Variants in SCARF1 observed in about 807,000 individuals in gnomAD.
The protein encoded by SCARF1 is acetyl LDL receptor.
In SCARF1, 49 loss-of-function variants were observed where a neutral mutation model predicts 76.3. That is an observed-to-expected ratio of 0.64 (90% CI 0.51 to 0.81). The LOEUF (loss-of-function observed/expected upper bound fraction) is 0.81, where lower values mean the gene tolerates loss of function less well. Among genes scored for constraint, SCARF1 ranks in the 40% least tolerant of loss-of-function variants. The pLI is 0.00. For missense variants in SCARF1, 1,098 were observed against 1,143.9 expected (o/e 0.96, Z 0.58); for synonymous variants, 495 against 474.6 (o/e 1.04, Z -0.56).
chr17:1,643,169 T>TC (rs1910194349), intron 4 of SCARF1, among the ~76,000 whole-genome samples: 1 of 15,108 alleles, frequency 6.6e-5, no homozygotes, highest in East Asian at 1.9e-3. Context: ...CTCCGCCCCC[T>TC]CCCCCGACCG....
chr17:1,644,208 T>C lies in SCARF1; in HGVS notation c.266-241A>G, dbSNP rs1206487428. Reference sequence around the variant, plus strand: ...TGCCACTTCACATTCCAGAACACACTCAGAGATCCTGAGTGGGCAGGGGAC... The same window carrying C: ...TGCCACTTCACATTCCAGAACACACCCAGAGATCCTGAGTGGGCAGGGGAC... On this transcript the variant is annotated intron_variant, in intron 3 of 10. Transcript: ENST00000263071. The surrounding 1 kb of genome is among the most constrained non-coding windows in gnomAD (Gnocchi z 4.8). 1.0e-5 allele frequency: 4 copies of C among 390,740 alleles called. No individual in the cohort carries two copies. The highest frequency in any genetic ancestry group is 1.8e-5 in the Non-Finnish European group (4 of 221,654). The allele number at this position is 390,740 out of a possible 1,614,324, so 24.2% of individuals were successfully genotyped here. A position where few individuals can be genotyped will look rare whatever the true frequency, so the allele number is the denominator to read the frequency against.
At chr17:1,641,922 A>G (rs1293687048) in intron 4 of SCARF1, among the ~76,000 whole-genome samples, 1 of 151,988 alleles carries the variant, frequency 6.6e-6, no homozygotes, top group African/African-American at 2.4e-5. Flanking sequence ...AGGTTTCACC[A>G]TGTTAGCCAG....
chr17:1,636,683 G>T, intron 10 of SCARF1, 26 bp downstream of exon 10: 2 of 1,612,206 alleles, frequency 1.2e-6, no homozygotes, highest in Non-Finnish European at 1.7e-6. Flanking sequence ...GCTGCTCAGG[G>T]GCTATGTGGG....
chr17:1,640,711 G>A lies in SCARF1; in HGVS notation c.792-45C>T. On this transcript the variant is annotated intron_variant, in intron 4 of 10. Coordinates refer to ENST00000263071, the MANE Select transcript of SCARF1 (RefSeq NM_003693.4). The surrounding 1 kb of genome is among the most constrained non-coding windows in gnomAD (Gnocchi z 4.7). The stretch of plus-strand genomic sequence containing the variant: ...GTGGGAACAGTGGGGGTGGATGGAT[G>A]GAGCGCCCACCCCCTCCTACCCCTG... 5 of 1,541,662 alleles carry A rather than the reference G, an allele frequency of 3.2e-6. No individual in the cohort carries two copies. The highest frequency in any genetic ancestry group is 4.4e-6 in the Non-Finnish European group (5 of 1,125,704).
chr17:1,644,023 AC>A lies in SCARF1; in HGVS notation c.266-57del, dbSNP rs978192195. 59 of 1,235,542 alleles carry A rather than the reference AC, an allele frequency of 4.8e-5. No homozygotes were observed. The Admixed American group carries it at 1.8e-3, about 38-fold the overall frequency. 76.5% of individuals were successfully genotyped at this position (1,235,542 alleles called of 1,614,324 possible). A position where few individuals can be genotyped will look rare whatever the true frequency, so the allele number is the denominator to read the frequency against. On this transcript the variant is annotated intron_variant, in intron 3 of 10. Transcript: ENST00000263071. This position sits in a 1 kb window ranked among gnomAD's most constrained non-coding sequence, Gnocchi z 4.8. Reference sequence around the variant, plus strand: ...GGCTCAGGGCCGCGCGCAGACCCTTACCCTGCGTCCCCTTCCTCAAGGAAAA... The same window carrying A: ...GGCTCAGGGCCGCGCGCAGACCCTTACCTGCGTCCCCTTCCTCAAGGAAAA...
At chr17:1,635,973 T>A (rs1909525947) in intron 10 of SCARF1, among the ~76,000 whole-genome samples, 1 of 152,090 alleles carries the variant, frequency 6.6e-6, no homozygotes, top group Non-Finnish European at 1.5e-5. Flanking sequence ...TGTCACACTC[T>A]TACCAAGCTA....
intron 10 of SCARF1, among the ~76,000 whole-genome samples, chr17:1,635,837 G>T (rs1909515266): frequency 6.6e-6 from 1 of 150,740 alleles, no homozygotes; most frequent in East Asian, 1.9e-4. Flanking sequence ...GGCCAGGCTG[G>T]TATCAAACCC....
chr17:1,643,907 C>T lies in SCARF1; in HGVS notation c.326G>A (p.Gly109Asp). ...CGCGCCCGTGGCTGGCTCGCACTGG[C>T]CGTGCGGGTGGCAGGGGCAGCTCTC... ...CRESCPCHPH[G>D]QCEPATGACQ... is the part of the protein sequence containing the mutation. The change falls in exon 4 of 11, where the codon GGC becomes GAC. Residue 109 changes from glycine (G) to aspartate (D), a missense_variant. Physicochemically the swap from Gly to Asp is moderately conservative, Grantham distance 94. Coordinates refer to ENST00000263071, the MANE Select transcript of SCARF1 (RefSeq NM_003693.4). The T allele has an allele frequency of 2.2e-6, 3 of 1,341,322 alleles. No homozygotes were observed. The highest frequency in any genetic ancestry group is 1.9e-5 in the South Asian group (1 of 52,878). The allele number at this position is 1,341,322 out of a possible 1,614,324, so 83.1% of individuals were successfully genotyped here. A position where few individuals can be genotyped will look rare whatever the true frequency, so the allele number is the denominator to read the frequency against.
chr17:1,645,429 C>A lies in SCARF1; in HGVS notation c.101+168G>T. 6.7e-7 allele frequency: 1 copy of A among 1,482,614 alleles called. No homozygotes were observed. Among genetic ancestry groups the A allele is most frequent in the Non-Finnish European group, 9.0e-7 (1 of 1,106,862 alleles). 91.8% of individuals were successfully genotyped at this position (1,482,614 alleles called of 1,614,324 possible). Reference sequence around the variant, plus strand: ...CTGACCCTTCCACCATCTGCCCTGGCTGGCCACTACCTGCCAGACCGCCAT... The same window carrying A: ...CTGACCCTTCCACCATCTGCCCTGGATGGCCACTACCTGCCAGACCGCCAT... On this transcript the variant is annotated intron_variant, in intron 1 of 10. Coordinates refer to ENST00000263071, the MANE Select transcript of SCARF1 (RefSeq NM_003693.4). The surrounding 1 kb of genome is among the most constrained non-coding windows in gnomAD (Gnocchi z 6.3).
At chr17:1,639,313 C>T (rs1040641982) in intron 7 of SCARF1, among the ~76,000 whole-genome samples, 1 of 152,184 alleles carries the variant, frequency 6.6e-6, no homozygotes, top group African/African-American at 2.4e-5. Context: ...TGAGACCAGC[C>T]TGGCCAACAT....
In SCARF1 at chr17:1,643,748, G is replaced by A. The variant is rs1910294909; in HGVS notation, c.485C>T (p.Pro162Leu). ...PGWWSSTCRRPCQCNTAAARC... is the reference protein window; with the variant it reads ...PGWWSSTCRRLCQCNTAAARC... ...CGCCGCCGCGGTGTTGCACTGGCAC[G>A]GGCGGCGGCACGTGGACGACCACCA... Residue 162 changes from proline to leucine, a missense_variant, in exon 4 of 11, where the codon CCG becomes CTG. Coordinates refer to ENST00000263071, the MANE Select transcript of SCARF1 (RefSeq NM_003693.4). 1.5e-6 allele frequency: 2 copies of A among 1,295,696 alleles called. No homozygotes were observed. The highest frequency in any genetic ancestry group is 4.2e-5 in the Admixed American group (1 of 23,748). The allele number at this position is 1,295,696 out of a possible 1,614,324, so 80.3% of individuals were successfully genotyped here. A position where few individuals can be genotyped will look rare whatever the true frequency, so the allele number is the denominator to read the frequency against.
intron 10 of SCARF1, among the ~76,000 whole-genome samples, chr17:1,636,481 T>C (rs1459068955): frequency 6.6e-6 from 1 of 151,992 alleles, no homozygotes; most frequent in East Asian, 1.9e-4. Flanking sequence ...TGTGTGGTGG[T>C]GCACGCCTGT....
chr17:1,639,528 G>T, intron 7 of SCARF1, 111 bp downstream of exon 7: 51 of 565,828 alleles, frequency 9.0e-5, no homozygotes, highest in Non-Finnish European at 1.4e-4. Context: ...AAAAAAAAAA[G>T]AATATCTCTG....
rs1909326298 is a variant in SCARF1, at chr17:1,634,301, AG to A, written c.*456del. 4.2e-6 allele frequency: 1 copy of A among 239,206 alleles called. No individual in the cohort carries two copies. Among genetic ancestry groups the A allele is most frequent in the Non-Finnish European group, 7.9e-6 (1 of 126,254 alleles). 14.8% of individuals were successfully genotyped at this position (239,206 alleles called of 1,614,324 possible). On this transcript the variant is annotated 3_prime_UTR_variant, in exon 11 of 11. Transcript: ENST00000263071. ...CTACTCGGGAGGCTGAGGCAGGAGA[AG>A]GGCGTGAACCCGGGAGGCAGAGCTT... is the stretch of plus-strand genomic sequence containing the variant.
At position 1,636,977 on chromosome 17, in the gene SCARF1, G is replaced by A. The variant is rs1229804409; in HGVS notation, c.1450C>T (p.Arg484Cys). The A allele has an allele frequency of 3.2e-5, 52 of 1,613,832 alleles. No individual in the cohort carries two copies. The highest frequency in any genetic ancestry group is 3.8e-5 in the Non-Finnish European group (45 of 1,179,992). The change falls in exon 9 of 11, where the codon CGT (arginine) becomes TGT (cysteine). Residue 484 changes from arginine (R) to cysteine (C), a missense_variant. Coordinates refer to ENST00000263071, the MANE Select transcript of SCARF1 (RefSeq NM_003693.4). ...LTSLGSTLPCRSLSSHKLPWV... is the reference protein window; with the variant it reads ...LTSLGSTLPCCSLSSHKLPWV... ...GGTAGCTTGTGGGAGCTGAGGGAAC[G>A]GCAGGGCAGCGTGGAGCCCAAGCTG...
At position 1,640,650 on chromosome 17, in the gene SCARF1, G is replaced by A. The variant is rs1239936839; in HGVS notation, c.808C>T (p.His270Tyr). ...QCAHSCGRCKHNEPCSPDTGS... is the reference protein window; with the variant it reads ...QCAHSCGRCKYNEPCSPDTGS... ...GTGTCTGGAGAGCACGGCTCATTGT[G>A]TTTGCAGCGGCCACAGCTGGGAAGA... Residue 270 changes from histidine (H) to tyrosine (Y), a missense_variant, in exon 5 of 11, where the codon CAC becomes TAC. His to Tyr is a moderately conservative substitution (Grantham distance 83, BLOSUM62 2). Coordinates refer to ENST00000263071, the MANE Select transcript of SCARF1 (RefSeq NM_003693.4). The surrounding 1 kb of genome is among the most constrained non-coding windows in gnomAD (Gnocchi z 4.7). 1.2e-6 allele frequency: 2 copies of A among 1,612,284 alleles called. No homozygotes were observed. Among genetic ancestry groups the A allele is most frequent in the South Asian group, 2.2e-5 (2 of 90,774 alleles).
At position 1,645,726 on chromosome 17, in the gene SCARF1, T is replaced by G. The variant is rs757465900; in HGVS notation, c.-29A>C. The G allele has an allele frequency of 1.3e-6, 2 of 1,566,280 alleles. No homozygotes were observed. Among genetic ancestry groups the G allele is most frequent in the Non-Finnish European group, 1.7e-6 (2 of 1,160,396 alleles). On this transcript the variant is annotated 5_prime_UTR_variant, in exon 1 of 11. Coordinates refer to ENST00000263071, the MANE Select transcript of SCARF1 (RefSeq NM_003693.4). This position sits in a 1 kb window ranked among gnomAD's most constrained non-coding sequence, Gnocchi z 6.3. Reference sequence around the variant, plus strand: ...AGGCAGCTCGGTGGGAGCGCTCGGGTTCGTCTGGCCCCCACAGCTCCCAAC... The same window carrying G: ...AGGCAGCTCGGTGGGAGCGCTCGGGGTCGTCTGGCCCCCACAGCTCCCAAC...
Position 1,645,316 on chromosome 17 carries a change from G to T in SCARF1, c.102-77C>A. Reference sequence around the variant, plus strand: ...CTGAGGAAGGTGGATCACTGTCTCTGGCTGCAGTGGGGGAGGCTGCCTTAG... The same window carrying T: ...CTGAGGAAGGTGGATCACTGTCTCTTGCTGCAGTGGGGGAGGCTGCCTTAG... On this transcript the variant is annotated intron_variant, in intron 1 of 10. Transcript: ENST00000263071. This position sits in a 1 kb window ranked among gnomAD's most constrained non-coding sequence, Gnocchi z 6.3. 6.4e-7 allele frequency: 1 copy of T among 1,551,344 alleles called. No homozygotes were observed.
intron 10 of SCARF1, among the ~76,000 whole-genome samples, 164 bp from the exon 11 acceptor site, chr17:1,635,781 TACA>T (rs1193896889): frequency 2.2e-5 from 1 of 45,104 alleles, no homozygotes; most frequent in Non-Finnish European, 6.4e-5. Context: ...CTGTTACTTC[TACA>T]CTTTTTTTTT....
Sources: gnomAD v4.1 joint callset for allele counts (sites outside exome capture counted in the v4.1 genomes callset) on GRCh38, gnomAD v4.1.1 for gene constraint, Gnocchi (gnomAD v3.1) non-coding constraint, MANE v1.5 for transcripts, NCBI Gene and HGNC (gene_info 2026-07-23, HGNC 2026-07-21) for gene names.